The following MUC5B variants were observed in gnomAD, a reference collection of about 807,000 sequenced individuals.
MUC5B encodes mucin 5B, oligomeric mucus/gel-forming.
In MUC5B, 116 loss-of-function variants were observed where a neutral mutation model predicts 376.9. The ratio of observed to expected loss-of-function variants is 0.31; its 90% CI spans 0.26 to 0.36. The LOEUF is 0.36. MUC5B is among the 10% of genes least tolerant of loss of function. The pLI is 1.00. For synonymous variants in MUC5B, 3,517 were observed against 3,390.9 expected, an observed-to-expected ratio of 1.04 and a Z score of -1.29; for missense variants, 7,165 against 7,769.9, an observed-to-expected ratio of 0.92 and a Z score of 2.93.
Position 1,229,662 on chromosome 11 carries a change from C to T in MUC5B, c.1103-28C>T, listed in dbSNP as rs547323155. 1.5e-5 allele frequency: 23 copies of T among 1,523,428 alleles called. No homozygotes were observed. The South Asian group carries it at 1.7e-4, about 11-fold the overall frequency. 94.4% of individuals were successfully genotyped at this position (1,523,428 alleles called of 1,614,324 possible). ...ACCTTGGTGTCCCCCGTGCATGGGCCGGCCCTGCCTCACGCCGCGCCCCAC... is the reference window on the plus strand; with the variant it reads ...ACCTTGGTGTCCCCCGTGCATGGGCTGGCCCTGCCTCACGCCGCGCCCCAC... On this transcript the variant is annotated intron_variant, in intron 9 of 48. Transcript: ENST00000529681.
At chr11:1,229,367 T>C in intron 9 of MUC5B, 72 bp downstream of exon 9, 1 of 1,444,132 alleles carries the variant, frequency 6.9e-7, no homozygotes, top group Non-Finnish European at 9.2e-7. Context: ...CCCAGCCTCA[T>C]CAGGCGTGGA....
chr11:1,255,088 A>G lies in MUC5B; in HGVS notation c.15712A>G (p.Thr5238Ala). ...QRDDCLQRDG[T>A]TAASCKDMAK... The stretch of plus-strand genomic sequence containing the variant: ...GGACGACTGTCTCCAGCGGGACGGA[A>G]CCACTGCCGCCAGTTGCAAGGACAT... The change falls in exon 36 of 49, where the codon ACC becomes GCC. Residue 5238 changes from threonine to alanine, a missense_variant. Transcript: ENST00000529681. 1 of 1,594,692 alleles carries G rather than the reference A, an allele frequency of 6.3e-7. No individual in the cohort carries two copies. The highest frequency in any genetic ancestry group is 2.3e-5 in the East Asian group (1 of 43,680).
Position 1,234,846 on chromosome 11 carries a change from T to G in MUC5B, c.2630+166T>G, listed in dbSNP as rs897671594. ...GGAGAGAGAGTTGCTAGGAAAGCCA[T>G]GGGCCGTCCTGTGCGTCCTCTGGAA... On this transcript the variant is annotated intron_variant, in intron 21 of 48. Transcript: ENST00000529681. The surrounding 1 kb of genome is among the most constrained non-coding windows in gnomAD (Gnocchi z 6.3). Among the ~76,000 whole-genome samples, 5 of 151,916 alleles carry G rather than the reference T, an allele frequency of 3.3e-5. No homozygotes were observed. The highest frequency in any genetic ancestry group is 5.9e-5 in the Non-Finnish European group (4 of 67,932).
intron 10 of MUC5B, 62 bp from the exon 11 acceptor site, chr11:1,229,943 T>A: frequency 6.4e-7 from 1 of 1,556,526 alleles, no homozygotes; most frequent in Non-Finnish European, 8.7e-7. Flanking sequence ...GCGGTGGGGG[T>A]GTGGAGGGTG....
In MUC5B at chr11:1,248,142, C is replaced by G. The variant is rs771605186; in HGVS notation, c.11262C>G (p.Ser3754Arg). Residue 3754 changes from serine to arginine, a missense_variant, in exon 31 of 49, where the codon AGC (serine) becomes AGG (arginine). This residue lies in a region of MUC5B where 72 missense variants were observed against 127.8 expected (regional missense o/e 0.56). Transcript: ENST00000529681. ...TQATAGTPHV[S>R]TTATTPTVTS... ...CAACTGCTGGCACCCCACATGTGAGCACCACGGCCACGACACCCACAGTCA... is the reference window on the plus strand; with the variant it reads ...CAACTGCTGGCACCCCACATGTGAGGACCACGGCCACGACACCCACAGTCA... 6.3e-7 allele frequency: 1 copy of G among 1,595,190 alleles called. No individual in the cohort carries two copies. The highest frequency in any genetic ancestry group is 1.7e-5 in the Admixed American group (1 of 59,154).
Position 1,247,245 on chromosome 11 carries a change from C to G in MUC5B, c.10365C>G (p.His3455Gln), listed in dbSNP as rs202164311. The change falls in exon 31 of 49, where the codon CAC becomes CAG. Residue 3455 changes from histidine (H) to glutamine (Q), a missense_variant. Around this residue, in one of 31 missense-constraint regions of MUC5B, gnomAD observed 939 missense variants for 770.6 expected, o/e 1.22. Transcript: ENST00000529681. The part of the protein sequence containing the change: ...PPVPNTTATT[H>Q]GRSLPPSSPH... ...TGCCGAACACCACGGCCACCACACA[C>G]GGGCGGTCCCTGCCCCCCAGCAGTC... is the stretch of plus-strand genomic sequence containing the variant. 0.012 allele frequency: 18,823 copies of G among 1,571,796 alleles called. 757 individuals carry two copies. The highest frequency in any genetic ancestry group is 0.014 in the Non-Finnish European group (16,154 of 1,146,908).
intron 48 of MUC5B, 27 bp downstream of exon 48, chr11:1,260,755 AGAGCACCTGCGT>A: frequency 6.5e-7 from 1 of 1,544,092 alleles, no homozygotes; most frequent in Non-Finnish European, 8.9e-7. Flanking sequence ...CCCTGTGCCA[AGAGCACCTGCGT>A]GTGGTGGGTC....
At position 1,241,109 on chromosome 11, in the gene MUC5B, G is replaced by A; in HGVS notation, c.4229G>A (p.Ser1410Asn). 6.2e-7 allele frequency: 1 copy of A among 1,612,116 alleles called. No individual in the cohort carries two copies. Among genetic ancestry groups the A allele is most frequent in the Non-Finnish European group, 8.5e-7 (1 of 1,179,256 alleles). The part of the protein sequence containing the change: ...DRMRGLMCAN[S>N]QQSPPLCHDY... ...ATGCGGGGGCTGATGTGCGCCAACA[G>A]CCAACAGAGTCCCCCGCTCTGTCAC... Residue 1410 changes from serine to asparagine, a missense_variant, in exon 31 of 49, where the codon AGC becomes AAC. By Grantham distance (46) the Ser-to-Asn change is conservative (BLOSUM62 1). This residue lies in a region of MUC5B where 517 missense variants were observed against 545.3 expected (regional missense o/e 0.95). Transcript: ENST00000529681.
Position 1,239,454 on chromosome 11 carries a change from C to T in MUC5B, c.3471C>T (p.Phe1157=). ...GTGCCCCAGCCTTGTTCTGTGACTT[C>T]TACAACCCACATGGGGGCTGTGAGT... ...TPDTCPLFCD[F]YNPHGGCEWH... is the part of the protein sequence containing the mutation. Residue 1157 remains phenylalanine (F), a synonymous_variant, in exon 27 of 49, where the codon TTC becomes TTT. Coordinates refer to ENST00000529681, the MANE Select transcript of MUC5B (RefSeq NM_002458.3). The T allele has an allele frequency of 6.2e-7, 1 of 1,608,096 alleles. No individual in the cohort carries two copies. Among genetic ancestry groups the T allele is most frequent in the Middle Eastern group, 1.7e-4 (1 of 6,038 alleles).
In MUC5B at chr11:1,238,951, C is replaced by T. The variant is rs1189040738; in HGVS notation, c.3378C>T (p.Cys1126=). The T allele has an allele frequency of 6.3e-7, 1 of 1,576,566 alleles. No homozygotes were observed. Among genetic ancestry groups the T allele is most frequent in the East Asian group, 2.3e-5 (1 of 42,722 alleles). The part of the protein sequence containing the change: ...CDSGGDCECF[C]TAVAAYAQAC... ...CGGGTGGCGACTGCGAGTGTTTCTG[C>T]ACGGCTGTGGCTGCCTACGCCCAGG... Residue 1126 remains cysteine (C), a synonymous_variant, in exon 26 of 49, where the codon TGC becomes TGT. Coordinates refer to ENST00000529681, the MANE Select transcript of MUC5B (RefSeq NM_002458.3).
chr11:1,231,220 A>T (rs1285711487), intron 13 of MUC5B, among the ~76,000 whole-genome samples: 1 of 151,034 alleles, frequency 6.6e-6, no homozygotes, highest in Non-Finnish European at 1.5e-5. Flanking sequence ...GCTCAGCCCC[A>T]CTCTCTCAGG....
intron 44 of MUC5B, among the ~76,000 whole-genome samples, 180 bp downstream of exon 44, chr11:1,259,241 C>T (rs1470796802): frequency 6.7e-6 from 1 of 148,702 alleles, no homozygotes; most frequent in African/African-American, 2.5e-5. Context: ...AGGCACCTGC[C>T]CCCAGGTGAG....
In MUC5B at chr11:1,248,783, G is replaced by C. The variant is rs1468625839; in HGVS notation, c.11903G>C (p.Gly3968Ala). ...GSTTNPSSTP[G>A]TTPIPPVLTT... The stretch of plus-strand genomic sequence containing the variant: ...ACCACCAACCCCTCCTCAACTCCAG[G>C]GACAACACCTATCCCCCCAGTGCTG... The change falls in exon 31 of 49, where the codon GGG becomes GCG. Residue 3968 changes from glycine to alanine, a missense_variant. Transcript: ENST00000529681. The C allele has an allele frequency of 6.5e-7, 1 of 1,547,982 alleles. No individual in the cohort carries two copies. The highest frequency in any genetic ancestry group is 8.7e-7 in the Non-Finnish European group (1 of 1,145,734).
chr11:1,251,816 G>A, intron 31 of MUC5B, 73 bp downstream of exon 31: 2 of 1,116,108 alleles, frequency 1.8e-6, no homozygotes, highest in Admixed American at 2.3e-5. Flanking sequence ...CCTGTCCTGG[G>A]AGCCAGTGGC....
chr11:1,251,866 C>G, intron 31 of MUC5B, 123 bp downstream of exon 31: 1 of 744,582 alleles, frequency 1.3e-6, no homozygotes, highest in African/African-American at 1.8e-5. Context: ...ACTGGCCTCA[C>G]TTGGCCCCTC....
At position 1,243,562 on chromosome 11, in the gene MUC5B, A is replaced by C; in HGVS notation, c.6682A>C (p.Thr2228Pro). The C allele has an allele frequency of 6.2e-7, 1 of 1,607,134 alleles. No individual in the cohort carries two copies. The change falls in exon 31 of 49, where the codon ACA (threonine) becomes CCA (proline). Residue 2228 changes from threonine to proline, a missense_variant. Around this residue, in one of 31 missense-constraint regions of MUC5B, gnomAD observed 67 missense variants for 103.0 expected, o/e 0.65. Transcript: ENST00000529681. ...GGGCATCTTGGGCACCACCCACATCACAGAGCCTTCCACGGTGACTTCCCA... is the reference window on the plus strand; with the variant it reads ...GGGCATCTTGGGCACCACCCACATCCCAGAGCCTTCCACGGTGACTTCCCA... Reference protein sequence around the residue: ...TSGILGTTHITEPSTVTSHTL... With the variant: ...TSGILGTTHIPEPSTVTSHTL...
chr11:1,229,384 G>GC (rs1861970085), intron 9 of MUC5B, 89 bp downstream of exon 9: 1 of 1,388,102 alleles, frequency 7.2e-7, no homozygotes. Flanking sequence ...TGGAAGCAGA[G>GC]CCCCTCATGC....
Position 1,245,100 on chromosome 11 carries a change from G to A in MUC5B, c.8220G>A (p.Gly2740=). The A allele has an allele frequency of 6.5e-7, 1 of 1,539,160 alleles. No individual in the cohort carries two copies. Among genetic ancestry groups the A allele is most frequent in the Non-Finnish European group, 8.8e-7 (1 of 1,140,398 alleles). ...SSTVTPSSAL[G]TTHTPPVPNT... Reference sequence around the variant, plus strand: ...CAGTGACTCCCTCCTCTGCCCTAGGGACCACCCACACACCCCCAGTGCCGA... The same window carrying A: ...CAGTGACTCCCTCCTCTGCCCTAGGAACCACCCACACACCCCCAGTGCCGA... The change falls in exon 31 of 49, where the codon GGG becomes GGA. Residue 2740 remains glycine, a synonymous_variant. Transcript: ENST00000529681.
At position 1,242,529 on chromosome 11, in the gene MUC5B, C is replaced by G. The variant is rs747193983; in HGVS notation, c.5649C>G (p.Ser1883Arg). 1.2e-6 allele frequency: 2 copies of G among 1,613,830 alleles called. No individual in the cohort carries two copies. Among genetic ancestry groups the G allele is most frequent in the South Asian group, 1.1e-5 (1 of 91,086 alleles). Reference sequence around the variant, plus strand: ...GTGTGCTTTGCTGTGACGACTACAGCCACTGCCCCAGTACCCCAGCCACCA... The same window carrying G: ...GTGTGCTTTGCTGTGACGACTACAGGCACTGCCCCAGTACCCCAGCCACCA... ...NVRVLCCDDY[S>R]HCPSTPATSS... Residue 1883 changes from serine to arginine, a missense_variant, in exon 31 of 49, where the codon AGC becomes AGG. Around this residue, in one of 31 missense-constraint regions of MUC5B, gnomAD observed 897 missense variants for 779.6 expected, o/e 1.15. Transcript: ENST00000529681.
Sources: gnomAD v4.1 joint callset for allele counts (sites outside exome capture counted in the v4.1 genomes callset) on GRCh38, gnomAD v4.1.1 for gene constraint, gnomAD v4.1.1 regional missense constraint, Gnocchi (gnomAD v3.1) non-coding constraint, MANE v1.5 for transcripts, NCBI Gene and HGNC (gene_info 2026-07-23, HGNC 2026-07-21) for gene names.